Variants in SH3PXD2B observed in about 807,000 individuals in gnomAD.
The protein encoded by SH3PXD2B is SH3 and PX domain-containing protein 2B.
In SH3PXD2B, 37 loss-of-function variants were observed where a neutral mutation model predicts 73.1. The ratio of observed to expected loss-of-function variants is 0.51; its 90% confidence interval spans 0.39 to 0.67. SH3PXD2B has a LOEUF of 0.67. SH3PXD2B is among the 30% of genes least tolerant of loss of function. SH3PXD2B has a pLI of 0.00. For synonymous variants in SH3PXD2B, 457 were observed against 480.5 expected (o/e 0.95, Z 0.64); for missense variants, 1,053 against 1,197.8 (o/e 0.88, Z 1.78).
chr5:172,335,847 G>T lies in SH3PXD2B; in HGVS notation c.*2522C>A. 8.1e-7 allele frequency: 1 copy of T among 1,227,502 alleles called. No individual in the cohort carries two copies. Among genetic ancestry groups the T allele is most frequent in the Non-Finnish European group, 1.0e-6 (1 of 985,926 alleles). The allele number at this position is 1,227,502 out of a possible 1,614,324, so 76.0% of individuals were successfully genotyped here. A position where few individuals can be genotyped will look rare whatever the true frequency, so the allele number is the denominator to read the frequency against. On this transcript the variant is annotated 3_prime_UTR_variant, in exon 13 of 13. Coordinates refer to ENST00000311601, the MANE Select transcript of SH3PXD2B (RefSeq NM_001017995.3). ...TGGATACAGACGTCCTCAGGCCATA[G>T]ATATGACTCAAGGAGAGAACAGTGA...
chr5:172,392,347 T>C (rs1224886600), intron 4 of SH3PXD2B, among the ~76,000 whole-genome samples: 1 of 152,228 alleles, frequency 6.6e-6, no homozygotes, highest in Non-Finnish European at 1.5e-5. Flanking sequence ...AAGGCCCTGC[T>C]GCCTAGACTT....
intron 8 of SH3PXD2B, among the ~76,000 whole-genome samples, chr5:172,356,448 C>G (rs1398467762): frequency 1.3e-5 from 2 of 152,214 alleles, no homozygotes; most frequent in East Asian, 3.8e-4. Context: ...ACTGGTTCAG[C>G]CTTATAGAAA....
chr5:172,338,262 C>A lies in SH3PXD2B; in HGVS notation c.*107G>T. 1 of 1,597,346 alleles carries A rather than the reference C, an allele frequency of 6.3e-7. No homozygotes were observed. The highest frequency in any genetic ancestry group is 2.3e-5 in the East Asian group (1 of 44,218). On this transcript the variant is annotated 3_prime_UTR_variant, in exon 13 of 13. Transcript: ENST00000311601. This position sits in a 1 kb window ranked among gnomAD's most constrained non-coding sequence, Gnocchi z 5.1. ...GCAAGAAGTCACAGTACCCCAGAGT[C>A]TGTCTGCCTTGGAAGCTGCGTGGAG...
rs1426927389 is a variant in SH3PXD2B, at chr5:172,347,344, T to C, written c.1013-12A>G. 1 of 1,613,814 alleles carries C rather than the reference T, an allele frequency of 6.2e-7. No individual in the cohort carries two copies. Among genetic ancestry groups the C allele is most frequent in the Non-Finnish European group, 8.5e-7 (1 of 1,179,842 alleles). On this transcript the variant is annotated splice_polypyrimidine_tract_variant and intron_variant, in intron 10 of 12. Coordinates refer to ENST00000311601, the MANE Select transcript of SH3PXD2B (RefSeq NM_001017995.3). The stretch of plus-strand genomic sequence containing the variant: ...CATCTTTGGTGATCCTATGGAGAAA[T>C]GAGAGCTTATTACATCTTGTGCTAC...
downstream of SH3PXD2B, among the ~76,000 whole-genome samples, chr5:172,331,508 A>T (rs1161613833): frequency 2.0e-5 from 3 of 152,206 alleles, no homozygotes; most frequent in Non-Finnish European, 4.4e-5. Flanking sequence ...AATAATACTG[A>T]ATGAGAGAAG....
At position 172,368,651 on chromosome 5, in the gene SH3PXD2B, A is replaced by AC. The variant is rs1561908508; in HGVS notation, c.427+5138_427+5139insG. On this transcript the variant is annotated intron_variant, in intron 6 of 12. Transcript: ENST00000311601. Reference sequence around the variant, plus strand: ...ATATAATATATATGTTATATATATAAAATATATATATTATATATATATAAA... The same window carrying AC: ...ATATAATATATATGTTATATATATAACAATATATATATTATATATATATAAA... 1.6e-3 allele frequency among the ~76,000 whole-genome samples: 36 copies of AC among 22,520 alleles called. 4 individuals are homozygous for AC. The highest frequency in any genetic ancestry group is 2.1e-3 in the South Asian group (1 of 476). 14.8% of individuals were successfully genotyped at this position (22,520 alleles called of 152,430 possible).
chr5:172,401,535 G>A (rs529548814), intron 3 of SH3PXD2B, among the ~76,000 whole-genome samples: 3 of 152,128 alleles, frequency 2.0e-5, no homozygotes, highest in Admixed American at 6.5e-5. Context: ...CAAAGAATCC[G>A]GCATCAAAAT....
chr5:172,377,597 C>T (rs973385221), intron 5 of SH3PXD2B, among the ~76,000 whole-genome samples: 9 of 152,174 alleles, frequency 5.9e-5, no homozygotes, highest in Non-Finnish European at 1.2e-4. Flanking sequence ...TAGTGACGCC[C>T]GCTTTACTGA....
In SH3PXD2B at chr5:172,334,484, C is replaced by T; in HGVS notation, c.*3885G>A. On this transcript the variant is annotated 3_prime_UTR_variant, in exon 13 of 13. Coordinates refer to ENST00000311601, the MANE Select transcript of SH3PXD2B (RefSeq NM_001017995.3). ...GTATGGATGTCTGCAGTCTACACAA[C>T]AGCCCTGCAGAACGGGCCTGGACAA... 2.0e-6 allele frequency: 2 copies of T among 985,914 alleles called. No homozygotes were observed. The highest frequency in any genetic ancestry group is 3.5e-5 in the African/African-American group (2 of 57,370). 61.1% of individuals were successfully genotyped at this position (985,914 alleles called of 1,614,324 possible). A position where few individuals can be genotyped will look rare whatever the true frequency, so the allele number is the denominator to read the frequency against.
At chr5:172,394,450 T>C (rs988728318) in intron 4 of SH3PXD2B, 113 bp downstream of exon 4, 4 of 1,077,112 alleles carry the variant, frequency 3.7e-6, no homozygotes, top group Admixed American at 4.0e-5. Context: ...CTAATTTCTT[T>C]ACATTCCTTT....
chr5:172,338,850 T>C lies in SH3PXD2B; in HGVS notation c.2255A>G (p.Gln752Arg). The change falls in exon 13 of 13, where the codon CAG (glutamine) becomes CGG (arginine). Residue 752 changes from glutamine to arginine, a missense_variant. Around this residue, in one of 2 missense-constraint regions of SH3PXD2B, gnomAD observed 587 missense variants for 590.7 expected, o/e 0.99. Coordinates refer to ENST00000311601, the MANE Select transcript of SH3PXD2B (RefSeq NM_001017995.3). The surrounding 1 kb of genome is among the most constrained non-coding windows in gnomAD (Gnocchi z 5.1). Reference protein sequence around the residue: ...SVPVPLQEAPQQRPVVPPRRP... With the variant: ...SVPVPLQEAPRQRPVVPPRRP... ...GCGGGGTGGGACCACAGGTCTCTGC[T>C]GGGGAGCCTCTTGGAGAGGAACAGG... 1 of 1,613,282 alleles carries C rather than the reference T, an allele frequency of 6.2e-7. No homozygotes were observed. Among genetic ancestry groups the C allele is most frequent in the Non-Finnish European group, 8.5e-7 (1 of 1,179,292 alleles).
intron 3 of SH3PXD2B, 33 bp downstream of exon 3, chr5:172,406,244 G>C (rs763359455): frequency 6.2e-7 from 1 of 1,609,926 alleles, no homozygotes; most frequent in Non-Finnish European, 8.5e-7. Context: ...AGAGCCCCCA[G>C]TGTCCCAGTC....
intron 6 of SH3PXD2B, among the ~76,000 whole-genome samples, chr5:172,370,772 G>T (rs564959362): frequency 4.6e-5 from 7 of 152,180 alleles, no homozygotes; most frequent in Admixed American, 4.6e-4. Flanking sequence ...GATGAAAAAA[G>T]GTTCATTCAT....
chr5:172,395,202 G>A (rs1758267475), intron 3 of SH3PXD2B, among the ~76,000 whole-genome samples: 1 of 152,238 alleles, frequency 6.6e-6, no homozygotes, highest in South Asian at 2.1e-4. Flanking sequence ...CTTTCTGACT[G>A]CACACATTAT....
chr5:172,394,871 C>T (rs1239316538), intron 3 of SH3PXD2B, among the ~76,000 whole-genome samples: 1 of 151,966 alleles, frequency 6.6e-6, no homozygotes, highest in African/African-American at 2.4e-5. Flanking sequence ...ATGGGACCCA[C>T]GGAATAAGTT....
intron 3 of SH3PXD2B, among the ~76,000 whole-genome samples, chr5:172,397,047 T>G (rs1758318058): frequency 6.6e-6 from 1 of 152,230 alleles, no homozygotes; most frequent in Admixed American, 6.5e-5. Flanking sequence ...AGAGCCATAT[T>G]TCTCTTCTTT....
chr5:172,376,723 G>A (rs935140275), intron 5 of SH3PXD2B, among the ~76,000 whole-genome samples: 1 of 152,206 alleles, frequency 6.6e-6, no homozygotes, highest in Non-Finnish European at 1.5e-5. Context: ...AGAGTGGAAT[G>A]TCCTAGCTCA....
intron 6 of SH3PXD2B, among the ~76,000 whole-genome samples, chr5:172,372,960 T>C (rs992632948): frequency 6.6e-6 from 1 of 152,210 alleles, no homozygotes; most frequent in African/African-American, 2.4e-5. Flanking sequence ...TGGGCCACTG[T>C]TTATATAAAT....
chr5:172,413,984 C>A (rs1758759291), intron 2 of SH3PXD2B, among the ~76,000 whole-genome samples: 1 of 152,176 alleles, frequency 6.6e-6, no homozygotes, highest in Non-Finnish European at 1.5e-5. Flanking sequence ...GCAATGCCTG[C>A]CTAGGGAGTG....
Sources: allele counts gnomAD v4.1 joint callset (sites outside exome capture counted in the v4.1 genomes callset), GRCh38; gene constraint gnomAD v4.1.1; regional missense constraint gnomAD v4.1.1; non-coding constraint Gnocchi (gnomAD v3.1); transcripts MANE v1.5; gene names NCBI Gene and HGNC (gene_info 2026-07-23, HGNC 2026-07-21).